Variants in PHACTR3 observed in about 807,000 individuals in gnomAD.
PHACTR3 encodes protein phosphatase 1, regulatory subunit 123.
Under a neutral mutation model 66.8 loss-of-function variants are expected in PHACTR3, and 16 were observed. The observed-to-expected ratio is 0.24, with a 90% CI of 0.16 to 0.36. PHACTR3 has a LOEUF of 0.36. Ranked by LOEUF, PHACTR3 falls within the 10% of genes least tolerant of loss-of-function variation. The pLI is 1.00. For synonymous variants in PHACTR3, 323 were observed against 292.1 expected, an observed-to-expected ratio of 1.11 and a Z score of -1.08; for missense variants, 647 against 719.9, an observed-to-expected ratio of 0.90 and a Z score of 1.16.
intron 1 of PHACTR3, among the ~76,000 whole-genome samples, chr20:59,725,378 C>A (rs1175134761): frequency 6.6e-6 from 1 of 151,308 alleles, no homozygotes; most frequent in Non-Finnish European, 1.5e-5. Flanking sequence ...GGCTGTGTGC[C>A]CACCGAGGCT....
chr20:59,647,802 C>A (rs2035335154), intron 1 of PHACTR3, among the ~76,000 whole-genome samples: 1 of 152,180 alleles, frequency 6.6e-6, no homozygotes, highest in Non-Finnish European at 1.5e-5. Flanking sequence ...CAGTCCCACC[C>A]TTAATGTGCT....
At chr20:59,672,287 G>A (rs2036222227) in intron 1 of PHACTR3, among the ~76,000 whole-genome samples, 1 of 152,250 alleles carries the variant, frequency 6.6e-6, no homozygotes, top group Non-Finnish European at 1.5e-5. Context: ...AGTGCCCTGA[G>A]TCCCTGTCCC....
chr20:59,680,642 C>T (rs959094646), intron 1 of PHACTR3, among the ~76,000 whole-genome samples: 2 of 151,918 alleles, frequency 1.3e-5, no homozygotes, highest in African/African-American at 4.8e-5. Context: ...AATTTGTAAA[C>T]TTTCTTAAAG....
intron 3 of PHACTR3, among the ~76,000 whole-genome samples, chr20:59,753,506 C>T (rs907292421): frequency 6.6e-6 from 1 of 152,160 alleles, no homozygotes; most frequent in Non-Finnish European, 1.5e-5. Context: ...CTGCTGTTAG[C>T]AGATGGGCCC....
At chr20:59,773,830 A>G (rs1365144471) in intron 6 of PHACTR3, among the ~76,000 whole-genome samples, 1 of 152,246 alleles carries the variant, frequency 6.6e-6, no homozygotes, top group Non-Finnish European at 1.5e-5. Context: ...GCAAGAGTGT[A>G]AGGCAGCCTG....
At chr20:59,696,178 T>G (rs1225302309) in intron 1 of PHACTR3, among the ~76,000 whole-genome samples, 1 of 152,262 alleles carries the variant, frequency 6.6e-6, no homozygotes, top group Non-Finnish European at 1.5e-5. Flanking sequence ...GTGCTCTGCA[T>G]GCTTTGGTGC....
intron 1 of PHACTR3, among the ~76,000 whole-genome samples, chr20:59,646,421 G>A (rs949334125): frequency 6.6e-6 from 1 of 151,560 alleles, no homozygotes; most frequent in African/African-American, 2.4e-5. Flanking sequence ...TTTCTTCACT[G>A]AGTTGTCATT....
chr20:59,646,019 G>A (rs1030666453), intron 1 of PHACTR3, among the ~76,000 whole-genome samples: 2 of 152,186 alleles, frequency 1.3e-5, no homozygotes, highest in Non-Finnish European at 2.9e-5. Context: ...GGTGGCAAGG[G>A]TTGTAAGCTC....
intron 3 of PHACTR3, among the ~76,000 whole-genome samples, chr20:59,753,883 G>A (rs2039688575): frequency 6.6e-6 from 1 of 152,148 alleles, no homozygotes; most frequent in Non-Finnish European, 1.5e-5. Flanking sequence ...GGACTGACCA[G>A]GTCCTATGGA....
Position 59,743,988 on chromosome 20 carries a change from C to A in PHACTR3, c.280+720C>A, listed in dbSNP as rs138465640. Among the ~76,000 whole-genome samples the A allele has an allele frequency of 1.5e-4, 23 of 152,332 alleles. No individual in the cohort carries two copies. In the East Asian group the frequency reaches 4.4e-3, roughly 29 times the overall value. On this transcript the variant is annotated intron_variant, in intron 2 of 12. Transcript: ENST00000371015. ...GGGATTGCGATGGCTGGTCCCGTTG[C>A]CCCCGCCTCCTCGGAATCCAGCTTG... is the stretch of plus-strand genomic sequence containing the variant.
At chr20:59,790,978 A>G (rs2041073743) in intron 7 of PHACTR3, among the ~76,000 whole-genome samples, 1 of 152,154 alleles carries the variant, frequency 6.6e-6, no homozygotes, top group East Asian at 1.9e-4. Context: ...ACCTGGGACA[A>G]CTCATATCTC....
chr20:59,825,473 G>C lies in PHACTR3; in HGVS notation c.1329-11032G>C, dbSNP rs577203237. ...TCATTCATTCAGTCACTCATTCATTGGTCACTTATCACGGACCAGGCTTGG... is the reference window on the plus strand; with the variant it reads ...TCATTCATTCAGTCACTCATTCATTCGTCACTTATCACGGACCAGGCTTGG... On this transcript the variant is annotated intron_variant, in intron 8 of 12. Transcript: ENST00000371015. Among the ~76,000 whole-genome samples, 7 of 152,226 alleles carry C rather than the reference G, an allele frequency of 4.6e-5. No homozygotes were observed. The South Asian group carries it at 1.5e-3, about 32-fold the overall frequency.
intron 7 of PHACTR3, among the ~76,000 whole-genome samples, chr20:59,787,044 GAAGC>G (rs1175211559): frequency 2.0e-5 from 3 of 152,190 alleles, no homozygotes; most frequent in African/African-American, 7.2e-5. Flanking sequence ...ATGCAGAGTG[GAAGC>G]AAGAGGAAAC....
At chr20:59,677,288 A>G (rs928830738) in intron 1 of PHACTR3, among the ~76,000 whole-genome samples, 1 of 152,162 alleles carries the variant, frequency 6.6e-6, no homozygotes, top group African/African-American at 2.4e-5. Context: ...TCAGGAACAT[A>G]TGCTCCACTA....
At chr20:59,745,284 G>A (rs2039326180) in intron 2 of PHACTR3, among the ~76,000 whole-genome samples, 1 of 152,160 alleles carries the variant, frequency 6.6e-6, no homozygotes, top group Admixed American at 6.5e-5. Context: ...GTGACCTCAG[G>A]GGGGTCTCTG....
At chr20:59,823,117 T>TG (rs2042095965) in intron 8 of PHACTR3, among the ~76,000 whole-genome samples, 1 of 152,216 alleles carries the variant, frequency 6.6e-6, no homozygotes, top group Non-Finnish European at 1.5e-5. Flanking sequence ...GAGCAGGCAG[T>TG]GGGGAGCATT....
At position 59,696,704 on chromosome 20, in the gene PHACTR3, C is replaced by T. The variant is rs531193739; in HGVS notation, c.119-46403C>T. ...TGTCCACACCAGGCTCTCTGGGCAG[C>T]TGCCCATGGAGAACACAAGCCAGCA... On this transcript the variant is annotated intron_variant, in intron 1 of 12. Transcript: ENST00000371015. Among the ~76,000 whole-genome samples the T allele has an allele frequency of 1.3e-3, 198 of 152,292 alleles. 2 individuals are homozygous for T. Among genetic ancestry groups the T allele is most frequent in the African/African-American group, 4.6e-3 (190 of 41,558 alleles).
chr20:59,658,526 T>C (rs556559322), intron 1 of PHACTR3, among the ~76,000 whole-genome samples: 2 of 152,324 alleles, frequency 1.3e-5, no homozygotes, highest in East Asian at 3.9e-4. Flanking sequence ...CTACCCACAG[T>C]GTGGAGCCTT....
chr20:59,793,061 T>A (rs1415611979), intron 7 of PHACTR3, among the ~76,000 whole-genome samples: 1 of 250 alleles, frequency 4.0e-3, no homozygotes, highest in Non-Finnish European at 5.7e-3. Context: ...ATTTTTGTAT[T>A]TTTTTTTTGT....
Sources: allele counts gnomAD v4.1 joint callset (sites outside exome capture counted in the v4.1 genomes callset), GRCh38; gene constraint gnomAD v4.1.1; transcripts MANE v1.5; gene names NCBI Gene and HGNC (gene_info 2026-07-23, HGNC 2026-07-21).